The following CFAP95 variants were observed in gnomAD, a reference collection of about 807,000 sequenced individuals.
The protein encoded by CFAP95 is cilia- and flagella-associated protein 95.
chr9:69,856,416 C>T, the CFAP95 span: 1 of 504,584 alleles, frequency 2.0e-6, no homozygotes, highest in South Asian at 3.6e-5. Flanking sequence ...TAATTGACAG[C>T]TATGATCTAT....
At chr9:69,887,382 A>G in the CFAP95 span, among the ~76,000 whole-genome samples, 193 of 152,362 alleles carry the variant, frequency 1.3e-3, 1 homozygote, top group East Asian at 2.7e-3. Flanking sequence ...TAACCAGGGC[A>G]GTAGACATGA....
At chr9:69,899,775 A>C in the CFAP95 span, among the ~76,000 whole-genome samples, 41 of 152,152 alleles carry the variant, frequency 2.7e-4, no homozygotes, top group East Asian at 7.5e-3. Flanking sequence ...CCCAGTAAAA[A>C]CTCTGGGCAC....
At chr9:69,900,454 A>C in the CFAP95 span, among the ~76,000 whole-genome samples, 1 of 152,208 alleles carries the variant, frequency 6.6e-6, no homozygotes, top group Non-Finnish European at 1.5e-5. Context: ...TGATATCCCT[A>C]GTCTACCTCA....
At chr9:69,845,290 C>A in the CFAP95 span, among the ~76,000 whole-genome samples, 1 of 152,256 alleles carries the variant, frequency 6.6e-6, no homozygotes, top group Non-Finnish European at 1.5e-5. Context: ...AGCTCAACAA[C>A]TAGGAGACCC....
At chr9:69,828,342 A>G in the CFAP95 span, among the ~76,000 whole-genome samples, 1 of 152,198 alleles carries the variant, frequency 6.6e-6, no homozygotes, top group Non-Finnish European at 1.5e-5. Flanking sequence ...AATCTCAAGT[A>G]TAAAAAAACA....
the CFAP95 span, among the ~76,000 whole-genome samples, chr9:69,827,868 G>T: frequency 6.6e-6 from 1 of 152,138 alleles, no homozygotes; most frequent in Non-Finnish European, 1.5e-5. Flanking sequence ...ACATGGTGGC[G>T]TGCAGCTGGC....
At chr9:69,828,533 A>C in the CFAP95 span, among the ~76,000 whole-genome samples, 3 of 151,992 alleles carry the variant, frequency 2.0e-5, no homozygotes, top group African/African-American at 7.3e-5. Flanking sequence ...ACCACCAAAA[A>C]TTAGCCGGGT....
the CFAP95 span, among the ~76,000 whole-genome samples, chr9:69,903,744 TG>T: frequency 6.6e-6 from 1 of 152,220 alleles, no homozygotes. Context: ...GCATTTTTTT[TG>T]AGACAGGGTC....
At chr9:69,831,355 A>T in the CFAP95 span, among the ~76,000 whole-genome samples, 1 of 152,210 alleles carries the variant, frequency 6.6e-6, no homozygotes, top group Admixed American at 6.5e-5. Flanking sequence ...CTCAGTAAGG[A>T]TCCAGAAGCA....
the CFAP95 span, among the ~76,000 whole-genome samples, chr9:69,823,031 C>T: frequency 6.6e-6 from 1 of 152,054 alleles, no homozygotes; most frequent in African/African-American, 2.4e-5. Context: ...CATTTTCATA[C>T]AGCTATAAAT....
the CFAP95 span, among the ~76,000 whole-genome samples, chr9:69,890,829 T>G: frequency 1.3e-5 from 2 of 152,194 alleles, no homozygotes; most frequent in Non-Finnish European, 2.9e-5. Flanking sequence ...GACAGCATTA[T>G]AGAAAGTAAA....
At chr9:69,877,276 C>G in the CFAP95 span, among the ~76,000 whole-genome samples, 3 of 152,112 alleles carry the variant, frequency 2.0e-5, no homozygotes, top group Non-Finnish European at 4.4e-5. Context: ...TACATTTTCT[C>G]AATTGGTCTA....
chr9:69,837,963 T>C, the CFAP95 span, among the ~76,000 whole-genome samples: 1 of 152,238 alleles, frequency 6.6e-6, no homozygotes, highest in Non-Finnish European at 1.5e-5. Flanking sequence ...TAGCCAGTTT[T>C]CCCAGCACCA....
the CFAP95 span, among the ~76,000 whole-genome samples, chr9:69,881,268 T>A: frequency 6.6e-6 from 1 of 152,180 alleles, no homozygotes; most frequent in Admixed American, 6.5e-5. Flanking sequence ...TTTTTCCCAA[T>A]GTTTTCTTGT....
the CFAP95 span, among the ~76,000 whole-genome samples, chr9:69,888,110 A>G: frequency 6.6e-6 from 1 of 152,254 alleles, no homozygotes; most frequent in Admixed American, 6.5e-5. Context: ...AACCAAATTT[A>G]TAAGTTTAAT....
the CFAP95 span, among the ~76,000 whole-genome samples, chr9:69,888,338 A>G: frequency 6.6e-6 from 1 of 152,146 alleles, no homozygotes; most frequent in African/African-American, 2.4e-5. Context: ...TAGAAACAGC[A>G]AATGTGGTAG....
chr9:69,835,184 T>G, the CFAP95 span, among the ~76,000 whole-genome samples: 1 of 152,224 alleles, frequency 6.6e-6, no homozygotes, highest in Non-Finnish European at 1.5e-5. Flanking sequence ...GAAAATACAA[T>G]AGCTAACGGC....
the CFAP95 span, among the ~76,000 whole-genome samples, chr9:69,895,476 T>C: frequency 6.6e-6 from 1 of 151,948 alleles, no homozygotes; most frequent in Admixed American, 6.6e-5. Flanking sequence ...GCTCTCAGAT[T>C]CTACTATTTG....
chr9:69,876,378 C>CA, the CFAP95 span, among the ~76,000 whole-genome samples: 1 of 151,788 alleles, frequency 6.6e-6, no homozygotes, highest in African/African-American at 2.4e-5. Context: ...ACTAAAAATA[C>CA]AAAAATTACT....
Sources: gnomAD v4.1 joint callset for allele counts (sites outside exome capture counted in the v4.1 genomes callset) on GRCh38, gnomAD v4.1.1 for gene constraint, MANE v1.5 for transcripts, NCBI Gene and HGNC (gene_info 2026-07-23, HGNC 2026-07-21) for gene names.